Variants in SLC35F1 observed in about 807,000 individuals in gnomAD.
SLC35F1 encodes solute carrier family 35 member F1.
SLC35F1 carries 14 observed loss-of-function variants against 48.7 expected under a neutral mutation model. The ratio of observed to expected loss-of-function variants is 0.29; its 90% confidence interval spans 0.19 to 0.45. The LOEUF (loss-of-function observed/expected upper bound fraction) is 0.45, where lower values mean the gene tolerates loss of function less well. SLC35F1 is among the 20% of genes least tolerant of loss of function. The pLI is 1.00. For synonymous variants in SLC35F1, 190 were observed against 202.2 expected (o/e 0.94, Z 0.51); for missense variants, 404 against 500.0 (o/e 0.81, Z 1.83).
intron 1 of SLC35F1, among the ~76,000 whole-genome samples, chr6:118,138,531 G>A (rs1166783293): frequency 2.6e-5 from 4 of 152,112 alleles, no homozygotes; most frequent in South Asian, 2.1e-4. Context: ...ATCAGCAACC[G>A]AGTCATTAAA....
At chr6:118,305,023 TAGC>T (rs1328807146) in intron 7 of SLC35F1, among the ~76,000 whole-genome samples, 1 of 137,858 alleles carries the variant, frequency 7.3e-6, no homozygotes, top group Non-Finnish European at 1.6e-5. Context: ...GTCATTATAT[TAGC>T]AGAGAAACAG....
chr6:118,303,398 G>A (rs961173189), intron 7 of SLC35F1, among the ~76,000 whole-genome samples: 1 of 152,182 alleles, frequency 6.6e-6, no homozygotes, highest in Non-Finnish European at 1.5e-5. Context: ...ACTTTGTAAT[G>A]CAGCTAACAA....
At chr6:118,179,178 G>A (rs1774536095) in intron 2 of SLC35F1, among the ~76,000 whole-genome samples, 1 of 152,046 alleles carries the variant, frequency 6.6e-6, no homozygotes. Flanking sequence ...GAACCAATAA[G>A]AGACCATATA....
chr6:118,265,177 G>A (rs970996863), intron 3 of SLC35F1, among the ~76,000 whole-genome samples: 1 of 152,140 alleles, frequency 6.6e-6, no homozygotes, highest in Non-Finnish European at 1.5e-5. Context: ...GGGATAGAGG[G>A]GATTCACAAT....
At position 118,099,489 on chromosome 6, in the gene SLC35F1, T is replaced by C. The variant is rs945187066; in HGVS notation, c.174-54956T>C. On this transcript the variant is annotated intron_variant, in intron 1 of 7. Transcript: ENST00000360388. ...TCCTTCTCCTCCTCCCCTCCTCCCC[T>C]CCTCCTCTCTCTTCCTTCTCCTCCC... 4.1e-5 allele frequency among the ~76,000 whole-genome samples: 6 copies of C among 146,798 alleles called. No individual in the cohort carries two copies. In the South Asian group the frequency reaches 9.2e-4, roughly 23 times the overall value.
At chr6:118,166,188 G>C (rs984323784) in intron 2 of SLC35F1, among the ~76,000 whole-genome samples, 1 of 152,230 alleles carries the variant, frequency 6.6e-6, no homozygotes, top group African/African-American at 2.4e-5. Flanking sequence ...GTTGCAAAAT[G>C]CTCTGAGAGA....
At chr6:118,133,825 C>T (rs1240444423) in intron 1 of SLC35F1, among the ~76,000 whole-genome samples, 1 of 152,198 alleles carries the variant, frequency 6.6e-6, no homozygotes, top group Non-Finnish European at 1.5e-5. Flanking sequence ...TTGTCACAGT[C>T]TCTGGAACTG....
chr6:117,930,488 T>C lies in SLC35F1; in HGVS notation c.173+22589T>C, dbSNP rs2789011. On this transcript the variant is annotated intron_variant, in intron 1 of 7. Transcript: ENST00000360388. ...CCCTAAACTATCTAGAATTTAAATA[T>C]GTACTTAATTTTTTTTTCTCTGATT... is the stretch of plus-strand genomic sequence containing the variant. Among the ~76,000 whole-genome samples the C allele has an allele frequency of 5.7e-3, 869 of 152,280 alleles. 8 individuals are homozygous for C. Among genetic ancestry groups the C allele is most frequent in the African/African-American group, 0.02 (812 of 41,566 alleles).
In SLC35F1 at chr6:117,997,697, G is replaced by GA. The variant is rs1037308666; in HGVS notation, c.173+89802dup. On this transcript the variant is annotated intron_variant, in intron 1 of 7. Transcript: ENST00000360388. ...CTAAGCTTCATAACTGAAGGAGAAAGAAAATCCTTTACAGACAAGCAAATG... is the reference window on the plus strand; with the variant it reads ...CTAAGCTTCATAACTGAAGGAGAAAGAAAAATCCTTTACAGACAAGCAAATG... Among the ~76,000 whole-genome samples, 186 of 152,206 alleles carry GA rather than the reference G, an allele frequency of 1.2e-3. 1 individual carries two copies. Among genetic ancestry groups the GA allele is most frequent in the African/African-American group, 4.4e-3 (184 of 41,558 alleles).
chr6:117,909,293 GT>G (rs1011031772), intron 1 of SLC35F1, among the ~76,000 whole-genome samples: 5 of 150,748 alleles, frequency 3.3e-5, no homozygotes, highest in South Asian at 2.1e-4. Context: ...ATACCTGTGA[GT>G]TTTTTTTTCA....
At position 118,315,786 on chromosome 6, in the gene SLC35F1, G is replaced by A. The variant is rs1353459988; in HGVS notation, c.*1534G>A. The A allele has an allele frequency of 6.6e-6, 1 of 152,162 alleles. No homozygotes were observed. Among genetic ancestry groups the A allele is most frequent in the Non-Finnish European group, 1.5e-5 (1 of 68,028 alleles). The allele number at this position is 152,162 out of a possible 1,614,324, so 9.4% of individuals were successfully genotyped here. On this transcript the variant is annotated 3_prime_UTR_variant, in exon 8 of 8. Coordinates refer to ENST00000360388, the MANE Select transcript of SLC35F1 (RefSeq NM_001029858.4). The stretch of plus-strand genomic sequence containing the variant: ...AGAGAATACTGCAGGATCCTGATAA[G>A]ACCTTGAGTGATATGTCACTAGTCT...
chr6:118,032,067 ATGTG>A (rs1348914272), intron 1 of SLC35F1, among the ~76,000 whole-genome samples: 1 of 152,122 alleles, frequency 6.6e-6, no homozygotes, highest in South Asian at 2.1e-4. Flanking sequence ...ATTTAGGAGG[ATGTG>A]TGTGTATGTG....
intron 1 of SLC35F1, among the ~76,000 whole-genome samples, chr6:117,918,302 A>G (rs182910991): frequency 6.1e-4 from 93 of 152,182 alleles, no homozygotes; most frequent in African/African-American, 2.1e-3. Context: ...AAGGAGTGAG[A>G]TAAAGGAAGG....
intron 2 of SLC35F1, among the ~76,000 whole-genome samples, chr6:118,225,192 G>A (rs983901160): frequency 6.6e-6 from 1 of 152,042 alleles, no homozygotes; most frequent in Non-Finnish European, 1.5e-5. Flanking sequence ...AAGCAATCCT[G>A]AGCAAAAAGA....
intron 1 of SLC35F1, among the ~76,000 whole-genome samples, chr6:118,119,354 C>T (rs572972070): frequency 6.6e-6 from 1 of 152,246 alleles, no homozygotes; most frequent in Admixed American, 6.5e-5. Flanking sequence ...TTTTCACATG[C>T]TGTTTATTCA....
At chr6:118,150,321 T>A (rs1393380527) in intron 1 of SLC35F1, among the ~76,000 whole-genome samples, 1 of 152,150 alleles carries the variant, frequency 6.6e-6, no homozygotes, top group African/African-American at 2.4e-5. Context: ...CAAATCTTAG[T>A]TTTGTAGCTC....
intron 1 of SLC35F1, among the ~76,000 whole-genome samples, chr6:117,909,450 TA>T (rs1775736500): frequency 6.6e-6 from 1 of 152,210 alleles, no homozygotes; most frequent in Non-Finnish European, 1.5e-5. Context: ...TGATTCCATG[TA>T]GGTTATTTCT....
intron 1 of SLC35F1, among the ~76,000 whole-genome samples, chr6:117,997,233 A>G (rs1777007593): frequency 6.6e-6 from 1 of 152,180 alleles, no homozygotes; most frequent in South Asian, 2.1e-4. Flanking sequence ...AAAAAAGAAT[A>G]AAAAGAAACA....
chr6:118,299,845 G>A (rs1453687248), intron 7 of SLC35F1, among the ~76,000 whole-genome samples: 2 of 152,126 alleles, frequency 1.3e-5, no homozygotes, highest in Non-Finnish European at 2.9e-5. Context: ...AGGGACCCCT[G>A]GTTAAGAATC....
Sources: gnomAD v4.1 joint callset for allele counts (sites outside exome capture counted in the v4.1 genomes callset) on GRCh38, gnomAD v4.1.1 for gene constraint, MANE v1.5 for transcripts, NCBI Gene and HGNC (gene_info 2026-07-23, HGNC 2026-07-21) for gene names.